NEK1: variants seen among roughly 807,000 people sequenced by gnomAD.
NEK1 encodes the protein NIMA related kinase 1, also known as serine/threonine-protein kinase Nek1.
Under a neutral mutation model 182.1 loss-of-function variants are expected in NEK1, and 137 were observed. The observed-to-expected ratio is 0.75, with a 90% CI of 0.65 to 0.87. The LOEUF is 0.87. Ranked by LOEUF, NEK1 falls within the 40% of genes least tolerant of loss-of-function variation. The pLI is 0.00. For synonymous variants in NEK1, 513 were observed against 492.2 expected (o/e 1.04, Z -0.56); for missense variants, 1,391 against 1,494.4 (o/e 0.93, Z 1.14).
intron 18 of NEK1, among the ~76,000 whole-genome samples, chr4:169,549,077 G>A (rs1761007166): frequency 1.3e-5 from 2 of 152,212 alleles, no homozygotes; most frequent in Admixed American, 6.5e-5. Flanking sequence ...TTTTGTGCTG[G>A]AAACCCAGGG....
In NEK1 at chr4:169,424,610, GT is replaced by G. The variant is rs1302399814; in HGVS notation, c.3164del (p.Asn1055ThrfsTer6). ...AAAGTCCAATCAGCAAGGAATTCTT[GT>G]TTTTATTTTTTGGTGGTAAATGCGA... ...SHSHLPPKNKNKNSLLIGLST... is the reference protein window; with the variant it reads ...SHSHLPPKNKXKNSLLIGLST... On this transcript the variant is annotated frameshift_variant, in exon 31 of 36. Coordinates refer to ENST00000507142, the MANE Select transcript of NEK1 (RefSeq NM_001199397.3). LOFTEE classifies it high-confidence loss of function. 6 of 1,612,694 alleles carry G rather than the reference GT, an allele frequency of 3.7e-6. No homozygotes were observed. Among genetic ancestry groups the G allele is most frequent in the Non-Finnish European group, 5.1e-6 (6 of 1,178,962 alleles).
intron 6 of NEK1, among the ~76,000 whole-genome samples, chr4:169,589,836 T>C (rs1768139945): frequency 6.6e-6 from 1 of 151,956 alleles, no homozygotes; most frequent in Non-Finnish European, 1.5e-5. Flanking sequence ...AAAGGATAAA[T>C]TGGACTATCA....
At position 169,600,321 on chromosome 4, in the gene NEK1, G is replaced by A. The variant is rs180846065; in HGVS notation, c.215-1124C>T. The stretch of plus-strand genomic sequence containing the variant: ...CCTCCCACCTTAGCTTCCAGAGTAG[G>A]TGGAACCGCAGGCACACACCACCAC... On this transcript the variant is annotated intron_variant, in intron 4 of 35. Coordinates refer to ENST00000507142, the MANE Select transcript of NEK1 (RefSeq NM_001199397.3). Among the ~76,000 whole-genome samples the A allele has an allele frequency of 1.9e-3, 288 of 152,056 alleles. 2 individuals are homozygous for A. The highest frequency in any genetic ancestry group is 6.8e-3 in the African/African-American group (281 of 41,486).
In NEK1 at chr4:169,561,898, T is replaced by TAA. The variant is rs398124255; in HGVS notation, c.1081-9_1081-8dup. The TAA allele has an allele frequency of 4.4e-6, 7 of 1,589,350 alleles. No individual in the cohort carries two copies. The highest frequency in any genetic ancestry group is 1.8e-5 in the Admixed American group (1 of 56,232). ...TTCTCTTTCTTGCTGCTTCCTTAAA[T>TAA]AAAAAAAAGAACATTTTAATCCATA... On this transcript the variant is annotated splice_polypyrimidine_tract_variant and splice_region_variant and intron_variant, in intron 13 of 35. Coordinates refer to ENST00000507142, the MANE Select transcript of NEK1 (RefSeq NM_001199397.3).
intron 23 of NEK1, among the ~76,000 whole-genome samples, chr4:169,506,120 T>A (rs934745695): frequency 6.8e-6 from 1 of 147,260 alleles, no homozygotes; most frequent in Non-Finnish European, 1.5e-5. Context: ...TAAAAATGTA[T>A]CTGGTAAAGA....
At chr4:169,551,197 C>G (rs554871625) in intron 18 of NEK1, among the ~76,000 whole-genome samples, 91 of 152,226 alleles carry the variant, frequency 6.0e-4, no homozygotes, top group African/African-American at 2.1e-3. Flanking sequence ...ACAAAAAAAA[C>G]TTCTTTAGCT....
At chr4:169,499,775 G>A (rs10023872) in intron 23 of NEK1, among the ~76,000 whole-genome samples, 1 of 152,100 alleles carries the variant, frequency 6.6e-6, no homozygotes, top group South Asian at 2.1e-4. Context: ...TGTCTCAGAG[G>A]AGTACCAGGC....
At chr4:169,544,228 G>A (rs192198064) in intron 18 of NEK1, among the ~76,000 whole-genome samples, 9 of 152,120 alleles carry the variant, frequency 5.9e-5, no homozygotes, top group African/African-American at 2.2e-4. Flanking sequence ...AGATAATCAT[G>A]GGGTTTTTGT....
At chr4:169,404,466 C>A (rs533860622) in intron 32 of NEK1, among the ~76,000 whole-genome samples, 1 of 152,066 alleles carries the variant, frequency 6.6e-6, no homozygotes, top group Non-Finnish European at 1.5e-5. Flanking sequence ...ATCGATCCTA[C>A]GTAACTCAAT....
At chr4:169,557,526 T>A (rs989922764) in intron 16 of NEK1, among the ~76,000 whole-genome samples, 1 of 151,942 alleles carries the variant, frequency 6.6e-6, no homozygotes, top group African/African-American at 2.4e-5. Flanking sequence ...TGGAAGCCTT[T>A]AAAAAAACCA....
At chr4:169,507,186 T>TC in intron 22 of NEK1, 54 bp from the exon 23 acceptor site, 1 of 901,824 alleles carries the variant, frequency 1.1e-6, no homozygotes, top group Non-Finnish European at 1.6e-6. Context: ...GGCAGAGGTT[T>TC]TTTTTTTTTT....
At chr4:169,480,084 T>C (rs952865027) in intron 23 of NEK1, among the ~76,000 whole-genome samples, 3 of 152,132 alleles carry the variant, frequency 2.0e-5, no homozygotes, top group Non-Finnish European at 4.4e-5. Flanking sequence ...CAAAGTAAGA[T>C]TATGAAACCT....
At chr4:169,565,535 T>C (rs1260308152) in intron 12 of NEK1, among the ~76,000 whole-genome samples, 1 of 152,194 alleles carries the variant, frequency 6.6e-6, no homozygotes, top group Admixed American at 6.5e-5. Context: ...GTTCTATGTA[T>C]ACAGAATTTA....
At chr4:169,467,948 C>T (rs921979923) in intron 26 of NEK1, among the ~76,000 whole-genome samples, 4 of 151,848 alleles carry the variant, frequency 2.6e-5, no homozygotes, top group Non-Finnish European at 5.9e-5. Flanking sequence ...ATATGCTGCC[C>T]ATAAGAAACC....
At chr4:169,443,051 T>TTATCTATCTATCTATCTATCTATC (rs58470007) in intron 27 of NEK1, among the ~76,000 whole-genome samples, 19 of 141,798 alleles carry the variant, frequency 1.3e-4, no homozygotes, top group South Asian at 4.8e-4. Context: ...TAAAAATATT[T>TTATCTATCTATCTATCTATCTATC]TATCTATCTA....
chr4:169,435,971 A>G (rs750378248), intron 28 of NEK1, among the ~76,000 whole-genome samples: 2 of 152,184 alleles, frequency 1.3e-5, no homozygotes, highest in Non-Finnish European at 2.9e-5. Flanking sequence ...TGGCATGCTC[A>G]TGGCTCACTG....
At chr4:169,474,794 A>G (rs577894602) in intron 26 of NEK1, among the ~76,000 whole-genome samples, 2 of 152,342 alleles carry the variant, frequency 1.3e-5, no homozygotes, top group South Asian at 4.1e-4. Context: ...TATCTTTTAA[A>G]TATCTCCTCT....
At chr4:169,416,898 C>T (rs1734636736) in intron 31 of NEK1, among the ~76,000 whole-genome samples, 1 of 152,106 alleles carries the variant, frequency 6.6e-6, no homozygotes, top group African/African-American at 2.4e-5. Flanking sequence ...GAGCAAGACC[C>T]TGTCTCTAAT....
chr4:169,498,424 T>C (rs1751775315), intron 23 of NEK1, among the ~76,000 whole-genome samples: 1 of 152,232 alleles, frequency 6.6e-6, no homozygotes, highest in Non-Finnish European at 1.5e-5. Context: ...AATATTGTTA[T>C]GTGTGAATTT....
Sources: gnomAD v4.1 joint callset for allele counts (sites outside exome capture counted in the v4.1 genomes callset) on GRCh38, gnomAD v4.1.1 for gene constraint, MANE v1.5 for transcripts, NCBI Gene and HGNC (gene_info 2026-07-23, HGNC 2026-07-21) for gene names.